Variants in JAKMIP2 observed in about 807,000 individuals in gnomAD.
JAKMIP2 encodes janus kinase and microtubule interacting protein 2.
Under a neutral mutation model 115.0 loss-of-function variants are expected in JAKMIP2, and 25 were observed. That is an observed-to-expected ratio of 0.22 (90% CI 0.16 to 0.30). The LOEUF (loss-of-function observed/expected upper bound fraction) is 0.30, where lower values mean the gene tolerates loss of function less well. Ranked by LOEUF, JAKMIP2 falls within the 10% of genes least tolerant of loss-of-function variation. The pLI, the probability that JAKMIP2 is intolerant of heterozygous loss-of-function variation, is 1.00. For missense variants in JAKMIP2, 642 were observed against 957.6 expected (o/e 0.67, Z 4.35); for synonymous variants, 334 against 343.6 (o/e 0.97, Z 0.31).
chr5:147,672,257 A>G (rs2126808177), intron 1 of JAKMIP2, among the ~76,000 whole-genome samples: 1 of 152,196 alleles, frequency 6.6e-6, no homozygotes, highest in Non-Finnish European at 1.5e-5. Flanking sequence ...CATCTCCTCC[A>G]TGTCACTCAC....
chr5:147,618,694 C>T (rs367886571), intron 18 of JAKMIP2, among the ~76,000 whole-genome samples: 10 of 152,170 alleles, frequency 6.6e-5, no homozygotes, highest in Admixed American at 1.3e-4. Flanking sequence ...GCCGAGATCA[C>T]GCATTGCACT....
intron 1 of JAKMIP2, among the ~76,000 whole-genome samples, chr5:147,686,328 G>T (rs1421609530): frequency 6.6e-6 from 1 of 151,144 alleles, no homozygotes; most frequent in Non-Finnish European, 1.5e-5. Context: ...TTGGAAATCA[G>T]TGTTGGTGGG....
intron 21 of JAKMIP2, chr5:147,594,299 C>A: frequency 3.3e-6 from 1 of 301,728 alleles, no homozygotes; most frequent in Non-Finnish European, 7.2e-6. Flanking sequence ...CAGCAATTGC[C>A]ACTATCATTT....
chr5:147,640,520 AC>A (rs1757831646), intron 9 of JAKMIP2, among the ~76,000 whole-genome samples, 183 bp downstream of exon 9: 1 of 152,210 alleles, frequency 6.6e-6, no homozygotes, highest in East Asian at 1.9e-4. Flanking sequence ...TAAAAGGTTT[AC>A]CTGCTATAAG....
rs763859352 is a variant in JAKMIP2, at chr5:147,628,787, T to C, written c.1959A>G (p.Ile653Met). Residue 653 changes from isoleucine (I) to methionine (M), a missense_variant, in exon 16 of 22, where the codon ATA (isoleucine) becomes ATG (methionine). This residue lies in a region of JAKMIP2 where 5 missense variants were observed against 33.0 expected (regional missense o/e 0.15). Coordinates refer to ENST00000616793, the MANE Select transcript of JAKMIP2 (RefSeq NM_001270941.2). ...GNLRNEEQVA[I>M]IQASTVLSLA... Reference sequence around the variant, plus strand: ...GGGACAGCACAGTGCTGGCCTGAATTATGGCCACTTGTTCTTCATTTCTTA... The same window carrying C: ...GGGACAGCACAGTGCTGGCCTGAATCATGGCCACTTGTTCTTCATTTCTTA... 1.2e-6 allele frequency: 2 copies of C among 1,613,578 alleles called. No homozygotes were observed. Among genetic ancestry groups the C allele is most frequent in the Admixed American group, 3.3e-5 (2 of 60,000 alleles).
intron 1 of JAKMIP2, among the ~76,000 whole-genome samples, chr5:147,744,432 TAAG>T (rs1754275854): frequency 6.6e-6 from 1 of 152,180 alleles, no homozygotes; most frequent in African/African-American, 2.4e-5. Flanking sequence ...CAAGGCCAAG[TAAG>T]GCTTAGGCCA....
At chr5:147,604,094 A>G (rs12514543) in intron 20 of JAKMIP2, among the ~76,000 whole-genome samples, 318 of 152,292 alleles carry the variant, frequency 2.1e-3, no homozygotes, top group South Asian at 6.0e-3. Context: ...AATGGAAGAT[A>G]TTAAGTGTGG....
chr5:147,653,618 G>T lies in JAKMIP2; in HGVS notation c.628-3071C>A, dbSNP rs111806123. Among the ~76,000 whole-genome samples the T allele has an allele frequency of 7.9e-3, 1,199 of 151,838 alleles. 17 individuals carry two copies. Among genetic ancestry groups the T allele is most frequent in the African/African-American group, 0.027 (1,114 of 41,420 alleles). On this transcript the variant is annotated intron_variant, in intron 3 of 21. Coordinates refer to ENST00000616793, the MANE Select transcript of JAKMIP2 (RefSeq NM_001270941.2). ...TATAGATTCTGGATATTACACCTTT[G>T]TCAGAAGGGTAGATTGCAAAATTTT...
In JAKMIP2 at chr5:147,782,661, GGCGGCAGCAGCA is replaced by G; in HGVS notation, c.-366_-355del. The G allele has an allele frequency of 1.6e-6, 1 of 643,170 alleles. No individual in the cohort carries two copies. Among genetic ancestry groups the G allele is most frequent in the Non-Finnish European group, 2.8e-6 (1 of 363,186 alleles). 39.8% of individuals were successfully genotyped at this position (643,170 alleles called of 1,614,324 possible). On this transcript the variant is annotated 5_prime_UTR_variant, in exon 1 of 22. Coordinates refer to ENST00000616793, the MANE Select transcript of JAKMIP2 (RefSeq NM_001270941.2). The stretch of plus-strand genomic sequence containing the variant: ...GAGTATCAGCAATAGAGGCGGCGGC[GGCGGCAGCAGCA>G]GCAGCAGCAGCATCACCAGTTGGGC...
intron 1 of JAKMIP2, among the ~76,000 whole-genome samples, chr5:147,778,414 G>A (rs937800766): frequency 4.6e-5 from 7 of 151,910 alleles, no homozygotes; most frequent in African/African-American, 1.7e-4. Context: ...CAAATAAAAT[G>A]AGCCACACAA....
rs1448268739 is a variant in JAKMIP2, at chr5:147,721,412, G to T, written c.-148-49458C>A. ...CTTCGAGGCTGCTTTGTTTACCTCA[G>T]CAAGCCTGGGCAATGGCGGGCGCCC... On this transcript the variant is annotated intron_variant, in intron 1 of 21. Coordinates refer to ENST00000616793, the MANE Select transcript of JAKMIP2 (RefSeq NM_001270941.2). Among the ~76,000 whole-genome samples, 4 of 152,352 alleles carry T rather than the reference G, an allele frequency of 2.6e-5. No homozygotes were observed. In the East Asian group the frequency reaches 5.8e-4, roughly 22 times the overall value.
chr5:147,703,374 A>G (rs1752447099), intron 1 of JAKMIP2, among the ~76,000 whole-genome samples: 1 of 152,120 alleles, frequency 6.6e-6, no homozygotes, highest in African/African-American at 2.4e-5. Flanking sequence ...AAGGTACAAT[A>G]AAAATACAAG....
intron 1 of JAKMIP2, among the ~76,000 whole-genome samples, chr5:147,773,239 C>T (rs951326270): frequency 2.0e-5 from 3 of 152,186 alleles, no homozygotes; most frequent in Middle Eastern, 3.4e-3. Flanking sequence ...CTGCCTTGAA[C>T]GAAATGCTCT....
chr5:147,625,623 G>C (rs1757061475), intron 16 of JAKMIP2, among the ~76,000 whole-genome samples: 1 of 151,990 alleles, frequency 6.6e-6, no homozygotes, highest in African/African-American at 2.4e-5. Context: ...AGAGTACTGT[G>C]AACTAAAGTC....
intron 21 of JAKMIP2, among the ~76,000 whole-genome samples, chr5:147,592,724 C>T (rs1755157981): frequency 2.0e-5 from 3 of 152,284 alleles, no homozygotes; most frequent in African/African-American, 7.2e-5. Context: ...AATAAGGATA[C>T]TGATTCTGTA....
At chr5:147,631,361 A>G (rs1267956945) in intron 14 of JAKMIP2, 52 bp downstream of exon 14, 2 of 1,186,334 alleles carry the variant, frequency 1.7e-6, no homozygotes, top group African/African-American at 1.5e-5. Flanking sequence ...CCCTTTTCCA[A>G]TTCCCAGTTT....
At chr5:147,732,387 A>G (rs989319669) in intron 1 of JAKMIP2, among the ~76,000 whole-genome samples, 1 of 152,090 alleles carries the variant, frequency 6.6e-6, no homozygotes, top group Non-Finnish European at 1.5e-5. Flanking sequence ...ATCTTGCTGG[A>G]TAGATTCTTA....
intron 3 of JAKMIP2, among the ~76,000 whole-genome samples, chr5:147,652,724 G>A (rs1424817132): frequency 6.6e-6 from 1 of 152,052 alleles, no homozygotes; most frequent in Non-Finnish European, 1.5e-5. Flanking sequence ...TAAGTTCTGG[G>A]ATACATGTAC....
chr5:147,765,259 C>A (rs1400783844), intron 1 of JAKMIP2, among the ~76,000 whole-genome samples: 1 of 152,020 alleles, frequency 6.6e-6, no homozygotes, highest in Admixed American at 6.6e-5. Context: ...TGGTCACACA[C>A]TTTCCAAAAA....
Sources: gnomAD v4.1 joint callset for allele counts (sites outside exome capture counted in the v4.1 genomes callset) on GRCh38, gnomAD v4.1.1 for gene constraint, gnomAD v4.1.1 regional missense constraint, MANE v1.5 for transcripts, NCBI Gene and HGNC (gene_info 2026-07-23, HGNC 2026-07-21) for gene names.